Variants in RGS6 observed in about 807,000 individuals in gnomAD.
RGS6 encodes the protein regulator of G-protein signaling 6.
RGS6 carries 30 observed loss-of-function variants against 78.5 expected under a neutral mutation model. That is an observed-to-expected ratio of 0.38 (90% CI 0.29 to 0.52). RGS6 has a LOEUF of 0.52. RGS6 is among the 20% of genes least tolerant of loss of function. The pLI is 0.85. For missense variants in RGS6, 495 were observed against 609.7 expected (o/e 0.81, Z 1.98); for synonymous variants, 206 against 206.0 (o/e 1.00, Z 0.00).
At chr14:72,190,045 C>T (rs1186055632) in intron 2 of RGS6, among the ~76,000 whole-genome samples, 1 of 152,166 alleles carries the variant, frequency 6.6e-6, no homozygotes, top group Non-Finnish European at 1.5e-5. Context: ...ACAACCTATC[C>T]CCAAGGACTT....
chr14:72,390,344 C>A (rs1160672694), intron 3 of RGS6, among the ~76,000 whole-genome samples: 2 of 151,906 alleles, frequency 1.3e-5, no homozygotes, highest in African/African-American at 4.8e-5. Flanking sequence ...GTGATCTGCC[C>A]ACCTCGGCCT....
rs75394530 is a variant in RGS6, at chr14:72,086,776, A to C, written c.84+121901A>C. ...TCTGAAGCTAACTAGTTCCTTTGCA[A>C]GTAAGTGGCTGGAAACCTAAAGATC... On this transcript the variant is annotated intron_variant, in intron 2 of 17. Transcript: ENST00000553525. 9.8e-5 allele frequency among the ~76,000 whole-genome samples: 15 copies of C among 152,330 alleles called. No individual in the cohort carries two copies. The East Asian group carries it at 2.7e-3, about 27-fold the overall frequency.
intron 3 of RGS6, among the ~76,000 whole-genome samples, chr14:72,442,771 A>T (rs187648064): frequency 6.8e-4 from 104 of 152,310 alleles, no homozygotes; most frequent in African/African-American, 2.4e-3. Context: ...GGGAGCCTGG[A>T]TTCATACCCA....
At chr14:72,084,590 C>G (rs1286498141) in intron 2 of RGS6, among the ~76,000 whole-genome samples, 6 of 152,140 alleles carry the variant, frequency 3.9e-5, no homozygotes, top group Non-Finnish European at 7.3e-5. Context: ...AAAAATAGAT[C>G]CCTTTCTCCC....
At chr14:72,320,919 AAATT>A (rs1463950257) in intron 2 of RGS6, among the ~76,000 whole-genome samples, 10 of 149,874 alleles carry the variant, frequency 6.7e-5, no homozygotes, top group Admixed American at 1.3e-4. Context: ...GTATATTAGT[AAATT>A]AATATATTTA....
At chr14:71,931,531 C>A (rs1159462238), upstream of RGS6, among the ~76,000 whole-genome samples, 1 of 150,726 alleles carries the variant, frequency 6.6e-6, no homozygotes, top group Non-Finnish European at 1.5e-5. Flanking sequence ...TCCAGGTCAT[C>A]CATCGTTAAA....
intron 2 of RGS6, among the ~76,000 whole-genome samples, chr14:72,133,210 A>C (rs2096365416): frequency 2.0e-5 from 3 of 152,128 alleles, no homozygotes; most frequent in African/African-American, 7.2e-5. Context: ...CCAAGTTTCA[A>C]GATCTCTGGT....
At chr14:72,312,134 T>G (rs1238543022) in intron 2 of RGS6, among the ~76,000 whole-genome samples, 2 of 151,960 alleles carry the variant, frequency 1.3e-5, no homozygotes, top group Non-Finnish European at 2.9e-5. Context: ...ATCGCTCCCC[T>G]CAGAGTTTCT....
intron 2 of RGS6, among the ~76,000 whole-genome samples, chr14:72,081,069 T>G (rs1012929599): frequency 6.6e-6 from 1 of 152,162 alleles, no homozygotes; most frequent in Non-Finnish European, 1.5e-5. Flanking sequence ...ATTGGAATTT[T>G]GATAAAGACT....
intron 2 of RGS6, among the ~76,000 whole-genome samples, chr14:72,243,360 T>G (rs1156612529): frequency 6.6e-6 from 1 of 152,220 alleles, no homozygotes. Context: ...TCTTGACTTT[T>G]GTCGCCACCC....
At chr14:72,405,778 A>G (rs1417375359) in intron 3 of RGS6, among the ~76,000 whole-genome samples, 3 of 152,154 alleles carry the variant, frequency 2.0e-5, no homozygotes, top group Non-Finnish European at 4.4e-5. Flanking sequence ...CTGCTGGAAG[A>G]ATCCCTGGCA....
intron 2 of RGS6, among the ~76,000 whole-genome samples, chr14:71,985,981 A>G (rs1238907169): frequency 6.6e-6 from 1 of 152,236 alleles, no homozygotes; most frequent in African/African-American, 2.4e-5. Context: ...ATACAAAAGC[A>G]CAGTTCTGAG....
At chr14:72,389,160 A>C (rs2152933771) in intron 3 of RGS6, among the ~76,000 whole-genome samples, 2 of 152,230 alleles carry the variant, frequency 1.3e-5, no homozygotes, top group Admixed American at 1.3e-4. Flanking sequence ...AGGGAGGTGT[A>C]TGACTTTGCC....
At chr14:72,232,563 CT>C (rs1201713323) in intron 2 of RGS6, among the ~76,000 whole-genome samples, 1 of 152,186 alleles carries the variant, frequency 6.6e-6, no homozygotes, top group Non-Finnish European at 1.5e-5. Flanking sequence ...TGCCTCCATC[CT>C]TATGTCACCT....
intron 3 of RGS6, among the ~76,000 whole-genome samples, chr14:72,390,397 C>T (rs1322856555): frequency 2.0e-5 from 3 of 151,718 alleles, no homozygotes; most frequent in East Asian, 3.9e-4. Flanking sequence ...TGCACCCGGC[C>T]GGGAGCCATA....
At chr14:72,030,781 C>G (rs905640452) in intron 2 of RGS6, among the ~76,000 whole-genome samples, 6 of 152,168 alleles carry the variant, frequency 3.9e-5, no homozygotes, top group African/African-American at 1.4e-4. Context: ...TGGTAGAAAT[C>G]AAGTTCCCTG....
intron 2 of RGS6, among the ~76,000 whole-genome samples, chr14:72,150,820 T>C (rs1291157283): frequency 6.6e-6 from 1 of 152,098 alleles, no homozygotes; most frequent in Non-Finnish European, 1.5e-5. Context: ...TCTTTCAACC[T>C]TGGGGATTAC....
rs900810226 is a variant in RGS6 at position 72,489,162 on chromosome 14, C to CCT, written c.855-5989_855-5988insTC. Among the ~76,000 whole-genome samples, 39 of 150,332 alleles carry CCT rather than the reference C, an allele frequency of 2.6e-4. 1 individual carries two copies. In the East Asian group the frequency reaches 6.9e-3, roughly 27 times the overall value. On this transcript the variant is annotated intron_variant, in intron 12 of 17. Transcript: ENST00000553525. Reference sequence around the variant, plus strand: ...TCCTGGGAGGACAAAGGGGGCCCCCCCACCGGCTGTTTGCTCATCTCAGAT... The same window carrying CCT: ...TCCTGGGAGGACAAAGGGGGCCCCCCCTCACCGGCTGTTTGCTCATCTCAGAT...
At chr14:72,608,795 C>T in the RGS6 span, among the ~76,000 whole-genome samples, 5 of 152,238 alleles carry the variant, frequency 3.3e-5, no homozygotes, top group African/African-American at 1.2e-4. Flanking sequence ...CACCAGGCAG[C>T]AACTGAGACC....
Sources: gnomAD v4.1 joint callset for allele counts (sites outside exome capture counted in the v4.1 genomes callset) on GRCh38, gnomAD v4.1.1 for gene constraint, MANE v1.5 for transcripts, NCBI Gene and HGNC (gene_info 2026-07-23, HGNC 2026-07-21) for gene names.